Variants in UBAC2 observed in about 807,000 individuals in gnomAD.
UBAC2 encodes ubiquitin-associated domain-containing protein 2.
UBAC2 carries 26 observed loss-of-function variants against 44.0 expected under a neutral mutation model. The ratio of observed to expected loss-of-function variants is 0.59; its 90% CI spans 0.43 to 0.82. UBAC2 has a LOEUF of 0.82. UBAC2 is among the 40% of genes least tolerant of loss of function. The pLI, the probability that UBAC2 is intolerant of heterozygous loss-of-function variation, is 0.00. For missense variants in UBAC2, 329 were observed against 419.4 expected (o/e 0.78, Z 1.88); for synonymous variants, 155 against 154.3 (o/e 1.00, Z -0.04).
intron 4 of UBAC2, among the ~76,000 whole-genome samples, chr13:99,247,753 A>G (rs2043405272): frequency 6.6e-6 from 1 of 152,202 alleles, no homozygotes; most frequent in Admixed American, 6.5e-5. Context: ...TAAAATAAAA[A>G]TATGTGCTTT....
At chr13:99,315,074 C>G (rs1477273418) in intron 5 of UBAC2, among the ~76,000 whole-genome samples, 1 of 152,122 alleles carries the variant, frequency 6.6e-6, no homozygotes, top group African/African-American at 2.4e-5. Context: ...TTAGCATTTC[C>G]TCTCACTTCT....
chr13:99,347,627 C>G (rs2045011547), intron 7 of UBAC2, among the ~76,000 whole-genome samples: 1 of 151,980 alleles, frequency 6.6e-6, no homozygotes, highest in African/African-American at 2.4e-5. Context: ...CATTCCACAG[C>G]TCTGATGAAC....
At chr13:99,243,233 CTTTTTTTTTTTT>C (rs773750160) in intron 2 of UBAC2, among the ~76,000 whole-genome samples, 2 of 94,262 alleles carry the variant, frequency 2.1e-5, no homozygotes, top group South Asian at 3.8e-4. Context: ...TTGAGTAGCT[CTTTTTTTTTTTT>C]TTTTTTTTTT....
At chr13:99,276,967 C>G (rs1206164573) in intron 4 of UBAC2, among the ~76,000 whole-genome samples, 2 of 152,036 alleles carry the variant, frequency 1.3e-5, no homozygotes, top group Non-Finnish European at 2.9e-5. Context: ...AGCCCTGGCC[C>G]TGCAACCTTT....
chr13:99,260,912 G>C (rs1306486450), intron 4 of UBAC2, among the ~76,000 whole-genome samples: 4 of 152,134 alleles, frequency 2.6e-5, no homozygotes, highest in Admixed American at 6.5e-5. Flanking sequence ...TTTTGGTTTT[G>C]ATATTAAAAG....
At chr13:99,375,722 T>TA (rs1334978928) in intron 8 of UBAC2, among the ~76,000 whole-genome samples, 2 of 152,178 alleles carry the variant, frequency 1.3e-5, no homozygotes, top group Non-Finnish European at 2.9e-5. Flanking sequence ...CCATTTTACT[T>TA]ATGTCAAAGA....
intron 4 of UBAC2, among the ~76,000 whole-genome samples, chr13:99,299,436 G>A (rs2044224037): frequency 6.6e-6 from 1 of 151,514 alleles, no homozygotes; most frequent in African/African-American, 2.4e-5. Flanking sequence ...TTTTTGGGAG[G>A]TAGGGAAGCA....
intron 1 of UBAC2, among the ~76,000 whole-genome samples, chr13:99,230,660 A>G (rs747446027): frequency 8.6e-5 from 13 of 152,040 alleles, no homozygotes; most frequent in Non-Finnish European, 1.5e-4. Flanking sequence ...TTGACTCATG[A>G]CCCAATTTTA....
At chr13:99,343,978 G>A (rs1365772015) in intron 7 of UBAC2, among the ~76,000 whole-genome samples, 1 of 152,156 alleles carries the variant, frequency 6.6e-6, no homozygotes, top group Non-Finnish European at 1.5e-5. Flanking sequence ...GGACATTGAG[G>A]ACACAGGTGT....
chr13:99,234,532 G>A (rs892892973), intron 1 of UBAC2: 17 of 154,396 alleles, frequency 1.1e-4, no homozygotes, highest in African/African-American at 4.1e-4. Context: ...TTCATTCTTA[G>A]CATAACCCTG....
At chr13:99,320,309 A>G (rs2138781508) in intron 6 of UBAC2, among the ~76,000 whole-genome samples, 1 of 152,264 alleles carries the variant, frequency 6.6e-6, no homozygotes, top group Admixed American at 6.5e-5. Flanking sequence ...GTAGTGGGGT[A>G]CCTGTTTTAA....
At chr13:99,203,560 C>G (rs1469504988) in intron 1 of UBAC2, among the ~76,000 whole-genome samples, 3 of 152,202 alleles carry the variant, frequency 2.0e-5, no homozygotes, top group Non-Finnish European at 2.9e-5. Context: ...TCTCTCTCAT[C>G]CATTCAATAA....
chr13:99,367,771 G>A lies in UBAC2; in HGVS notation c.808-16G>A. The stretch of plus-strand genomic sequence containing the variant: ...CTCCTTCTGTGTCTGATAACTGTGT[G>A]TTGATCTCTTTTTAGGGAGGAATGA... On this transcript the variant is annotated splice_polypyrimidine_tract_variant and intron_variant, in intron 7 of 8. Coordinates refer to ENST00000403766, the MANE Select transcript of UBAC2 (RefSeq NM_001144072.2). The A allele has an allele frequency of 1.9e-6, 3 of 1,613,952 alleles. No individual in the cohort carries two copies. Among genetic ancestry groups the A allele is most frequent in the Non-Finnish European group, 2.5e-6 (3 of 1,179,870 alleles).
intron 1 of UBAC2, among the ~76,000 whole-genome samples, chr13:99,218,503 T>C (rs2043021466): frequency 6.6e-6 from 1 of 152,168 alleles, no homozygotes; most frequent in Non-Finnish European, 1.5e-5. Context: ...CCTTTTTTTT[T>C]TTTTCCCTGG....
At chr13:99,238,292 A>G (rs1407470678) in intron 1 of UBAC2, 135 bp from the exon 2 acceptor site, 1 of 1,193,844 alleles carries the variant, frequency 8.4e-7, no homozygotes. Context: ...AGTGGATATT[A>G]GAACCAAATT....
At chr13:99,282,089 C>T (rs192022243) in intron 4 of UBAC2, among the ~76,000 whole-genome samples, 5 of 152,274 alleles carry the variant, frequency 3.3e-5, no homozygotes, top group Admixed American at 6.5e-5. Context: ...GCGGTGGGGG[C>T]GGTCCCGTGC....
intron 6 of UBAC2, among the ~76,000 whole-genome samples, chr13:99,323,827 A>G (rs1043575072): frequency 2.0e-5 from 3 of 152,258 alleles, no homozygotes; most frequent in Admixed American, 6.5e-5. Context: ...GCCATTGTTA[A>G]CACAGGGAGG....
intron 8 of UBAC2, among the ~76,000 whole-genome samples, chr13:99,369,679 C>T (rs2045380086): frequency 1.3e-5 from 2 of 152,092 alleles, no homozygotes; most frequent in Admixed American, 6.5e-5. Flanking sequence ...TCAAAGTATC[C>T]CTCCACAAGT....
chr13:99,245,586 G>A (rs902328945), intron 4 of UBAC2, among the ~76,000 whole-genome samples: 1 of 152,202 alleles, frequency 6.6e-6, no homozygotes, highest in Non-Finnish European at 1.5e-5. Context: ...GGGCGCGGTG[G>A]CTCATGCCAC....
Sources: gnomAD v4.1 joint callset for allele counts (sites outside exome capture counted in the v4.1 genomes callset) on GRCh38, gnomAD v4.1.1 for gene constraint, MANE v1.5 for transcripts, NCBI Gene and HGNC (gene_info 2026-07-23, HGNC 2026-07-21) for gene names.